Variants in STRN3 observed in about 807,000 individuals in gnomAD.
STRN3 encodes the protein striatin 3.
STRN3 carries 29 observed loss-of-function variants against 95.6 expected under a neutral mutation model. That is an observed-to-expected ratio of 0.30 (90% CI 0.23 to 0.41). The LOEUF is 0.41. Among genes scored for constraint, STRN3 ranks in the 10% least tolerant of loss-of-function variants. The pLI is 1.00. For missense variants in STRN3, 890 were observed against 972.1 expected (o/e 0.92, Z 1.12); for synonymous variants, 331 against 357.6 (o/e 0.93, Z 0.84).
intron 13 of STRN3, among the ~76,000 whole-genome samples, chr14:30,907,952 G>C (rs1206912913): frequency 3.3e-5 from 5 of 152,080 alleles, no homozygotes; most frequent in Non-Finnish European, 7.4e-5. Flanking sequence ...CCTCATGAAT[G>C]ACTATGCCTC....
chr14:31,007,784 T>C (rs8015397), intron 1 of STRN3, among the ~76,000 whole-genome samples: 3,686 of 152,084 alleles, frequency 0.024, 131 homozygotes, highest in African/African-American at 0.082. Flanking sequence ...CATTCACCTA[T>C]AGTCTCAGCT....
At position 30,902,695 on chromosome 14, in the gene STRN3, T is replaced by C. The variant is rs753114221; in HGVS notation, c.2030-52A>G. 4.3e-6 allele frequency: 5 copies of C among 1,162,380 alleles called. No homozygotes were observed. In the Admixed American group the frequency reaches 1.1e-4, roughly 25 times the overall value. The allele number at this position is 1,162,380 out of a possible 1,614,324, so 72.0% of individuals were successfully genotyped here. ...TAAAATTCAAACCTTTAATAAGAAG[T>C]TGGATAATGGCCTTTTTAATCGTGC... is the stretch of plus-strand genomic sequence containing the variant. On this transcript the variant is annotated intron_variant, in intron 15 of 17. Coordinates refer to ENST00000357479, the MANE Select transcript of STRN3 (RefSeq NM_001083893.2).
intron 1 of STRN3, chr14:31,025,063 G>A (rs1337991723): frequency 6.6e-6 from 1 of 152,132 alleles, no homozygotes; most frequent in Admixed American, 6.5e-5. Flanking sequence ...TCCTGCAAGA[G>A]TAAGTAACAT....
intron 1 of STRN3, among the ~76,000 whole-genome samples, chr14:30,988,306 C>A (rs1168612691): frequency 6.6e-6 from 1 of 152,170 alleles, no homozygotes; most frequent in Non-Finnish European, 1.5e-5. Context: ...AACTCTGACC[C>A]TTATACTCAA....
At chr14:30,994,135 C>G (rs1385936621) in intron 1 of STRN3, among the ~76,000 whole-genome samples, 1 of 152,022 alleles carries the variant, frequency 6.6e-6, no homozygotes. Context: ...CTCGGCCTCC[C>G]AAAGTGCTGG....
intron 8 of STRN3, among the ~76,000 whole-genome samples, chr14:30,921,065 TACATATACACACACAC>T (rs1294904221): frequency 5.6e-5 from 5 of 89,196 alleles, no homozygotes; most frequent in East Asian, 4.4e-4. Context: ...TTTCTACACA[TACATATACACACACAC>T]ACACACACAC....
chr14:30,916,360 T>C (rs1176093363), intron 9 of STRN3, among the ~76,000 whole-genome samples: 4 of 151,522 alleles, frequency 2.6e-5, no homozygotes, highest in African/African-American at 7.3e-5. Context: ...CTGCAAGCTC[T>C]GCCTCCCAGG....
rs145386320 is a variant in STRN3 at position 30,934,255 on chromosome 14, C to T, written c.988+908G>A. Among the ~76,000 whole-genome samples, 394 of 152,194 alleles carry T rather than the reference C, an allele frequency of 2.6e-3. 10 individuals carry two copies. In the East Asian group the frequency reaches 0.054, roughly 21 times the overall value. ...AGGAGAATCACTTGAACGTGGGAGA[C>T]GGAGGTTGCAGTGAGCCAAGATTGC... On this transcript the variant is annotated intron_variant, in intron 7 of 17. Transcript: ENST00000357479.
intron 1 of STRN3, among the ~76,000 whole-genome samples, chr14:30,961,948 A>C (rs887964967): frequency 1.3e-5 from 2 of 149,586 alleles, no homozygotes; most frequent in Non-Finnish European, 3.0e-5. Flanking sequence ...TAAAAAGAAA[A>C]GTTAACTGCA....
chr14:30,989,846 T>C (rs1040272380), intron 1 of STRN3, among the ~76,000 whole-genome samples: 1 of 152,028 alleles, frequency 6.6e-6, no homozygotes, highest in African/African-American at 2.4e-5. Context: ...CCTGGGCAAA[T>C]TAATTACCTC....
rs749347214 is a variant in STRN3, at chr14:30,893,849, T to C, written c.*1562A>G. ...TGGAGAATAAAGTATTGCACTTTAT[T>C]ATTCAACACAAAATGATGTAGCCAA... On this transcript the variant is annotated 3_prime_UTR_variant, in exon 18 of 18. Coordinates refer to ENST00000357479, the MANE Select transcript of STRN3 (RefSeq NM_001083893.2). 3 of 152,622 alleles carry C rather than the reference T, an allele frequency of 2.0e-5. No individual in the cohort carries two copies. 9.5% of individuals were successfully genotyped at this position (152,622 alleles called of 1,614,324 possible).
chr14:30,985,177 G>A (rs758764209), intron 1 of STRN3, among the ~76,000 whole-genome samples: 40 of 150,086 alleles, frequency 2.7e-4, no homozygotes, highest in Non-Finnish European at 4.9e-4. Context: ...AATTACAGCC[G>A]GGTGCCTGTA....
chr14:31,023,838 A>AAG (rs1555328077), intron 1 of STRN3, among the ~76,000 whole-genome samples: 1 of 151,482 alleles, frequency 6.6e-6, no homozygotes, highest in Non-Finnish European at 1.5e-5. Context: ...AACTCAAAAA[A>AAG]AAAAAAACCA....
Position 30,913,517 on chromosome 14 carries a change from C to T in STRN3, c.1374+7G>A. On this transcript the variant is annotated splice_region_variant and intron_variant, in intron 10 of 17. Transcript: ENST00000357479. The stretch of plus-strand genomic sequence containing the variant: ...CATTAAAAAATTAAAAATAAAACTG[C>T]ACTTACATCATAACTATAGTCTGCA... 1.9e-6 allele frequency: 3 copies of T among 1,587,376 alleles called. No homozygotes were observed. Among genetic ancestry groups the T allele is most frequent in the Non-Finnish European group, 2.6e-6 (3 of 1,169,352 alleles).
chr14:30,954,057 T>C (rs55843943), intron 3 of STRN3, among the ~76,000 whole-genome samples: 22,085 of 152,258 alleles, frequency 0.15, 1,823 homozygotes, highest in South Asian at 0.33. Flanking sequence ...CACTTGATAT[T>C]GCCTCTTCTG....
chr14:30,906,813 G>C, intron 14 of STRN3, 64 bp downstream of exon 14: 1 of 1,459,802 alleles, frequency 6.9e-7, no homozygotes. Context: ...CAATTACTTT[G>C]TCCTTTATAT....
At chr14:30,910,915 TA>T in intron 13 of STRN3, 125 bp downstream of exon 13, 1 of 1,046,702 alleles carries the variant, frequency 9.6e-7, no homozygotes, top group Non-Finnish European at 1.3e-6. Context: ...AGCAATTTAT[TA>T]GCAAATGGAA....
chr14:30,900,359 CAAAAAA>C (rs559429217), intron 16 of STRN3, among the ~76,000 whole-genome samples: 1 of 53,920 alleles, frequency 1.9e-5, no homozygotes, highest in Admixed American at 2.6e-4. Flanking sequence ...AACTCCATCT[CAAAAAA>C]AAAAAAAAAA....
intron 9 of STRN3, among the ~76,000 whole-genome samples, chr14:30,917,821 T>G (rs1453033996): frequency 6.6e-6 from 1 of 152,156 alleles, no homozygotes; most frequent in Non-Finnish European, 1.5e-5. Flanking sequence ...GGGAACAAGA[T>G]GTATTTAAAA....
Sources: allele counts gnomAD v4.1 joint callset (sites outside exome capture counted in the v4.1 genomes callset), GRCh38; gene constraint gnomAD v4.1.1; transcripts MANE v1.5; gene names NCBI Gene and HGNC (gene_info 2026-07-23, HGNC 2026-07-21).